Variants in ASIC2 observed in about 807,000 individuals in gnomAD.
ASIC2 encodes the protein acid-sensing ion channel 2.
Under a neutral mutation model 57.3 loss-of-function variants are expected in ASIC2, and 25 were observed. The observed-to-expected ratio is 0.44, with a 90% confidence interval of 0.32 to 0.61. ASIC2 has a LOEUF of 0.61. Ranked by LOEUF, ASIC2 falls within the 20% of genes least tolerant of loss-of-function variation. ASIC2 has a pLI of 0.06. For missense variants in ASIC2, 641 were observed against 738.1 expected (o/e 0.87, Z 1.52); for synonymous variants, 319 against 307.5 (o/e 1.04, Z -0.39).
At chr17:33,093,438 G>C (rs2092165456) in intron 2 of ASIC2, among the ~76,000 whole-genome samples, 1 of 152,136 alleles carries the variant, frequency 6.6e-6, no homozygotes, top group Non-Finnish European at 1.5e-5. Flanking sequence ...AAGAGAGAGA[G>C]AGAGAGAGAG....
intron 1 of ASIC2, among the ~76,000 whole-genome samples, chr17:33,387,242 C>A (rs1455257377): frequency 6.6e-6 from 1 of 152,170 alleles, no homozygotes; most frequent in South Asian, 2.1e-4. Context: ...AACAAGTACT[C>A]TTCTATCTCC....
intron 1 of ASIC2, among the ~76,000 whole-genome samples, chr17:33,609,210 A>G (rs1905315445): frequency 6.6e-6 from 1 of 152,154 alleles, no homozygotes; most frequent in African/African-American, 2.4e-5. Flanking sequence ...TTCCTCAGGG[A>G]TGCCAAATTT....
At chr17:33,419,942 A>T (rs1232244553) in intron 1 of ASIC2, among the ~76,000 whole-genome samples, 1 of 152,162 alleles carries the variant, frequency 6.6e-6, no homozygotes, top group Non-Finnish European at 1.5e-5. Context: ...ACAAGTGTCT[A>T]TATATGTTTA....
chr17:33,749,451 C>T (rs1910364727), intron 1 of ASIC2, among the ~76,000 whole-genome samples: 1 of 152,098 alleles, frequency 6.6e-6, no homozygotes, highest in Admixed American at 6.5e-5. Context: ...AGTCCAGCCC[C>T]TGTTCCTCTC....
intron 1 of ASIC2, among the ~76,000 whole-genome samples, chr17:33,902,252 C>G (rs1915245803): frequency 6.6e-6 from 1 of 152,092 alleles, no homozygotes; most frequent in Admixed American, 6.6e-5. Flanking sequence ...TGTAAGCTAC[C>G]TAAAACCTAG....
chr17:34,040,827 A>G (rs1908102707), intron 1 of ASIC2, among the ~76,000 whole-genome samples: 1 of 152,240 alleles, frequency 6.6e-6, no homozygotes, highest in African/African-American at 2.4e-5. Flanking sequence ...AAATATAACT[A>G]CAGTAACAAA....
intron 1 of ASIC2, among the ~76,000 whole-genome samples, chr17:33,864,877 G>A (rs915406339): frequency 4.6e-5 from 7 of 152,044 alleles, no homozygotes; most frequent in African/African-American, 1.7e-4. Flanking sequence ...TCCATGGCTT[G>A]CAAACAAAAA....
At chr17:33,071,750 T>C (rs1004453546) in intron 3 of ASIC2, among the ~76,000 whole-genome samples, 1 of 152,192 alleles carries the variant, frequency 6.6e-6, no homozygotes. Context: ...TGGGTTTTGC[T>C]TGAAGATTTG....
chr17:33,754,957 CAAAAAAAAAAAA>C (rs58392305), intron 1 of ASIC2, among the ~76,000 whole-genome samples: 2 of 57,954 alleles, frequency 3.5e-5, no homozygotes, highest in Non-Finnish European at 6.3e-5. Flanking sequence ...GACTCCATCT[CAAAAAAAAAAAA>C]AAAAAAAAAA....
At position 34,046,059 on chromosome 17, in the gene ASIC2, C is replaced by G. The variant is rs572772189; in HGVS notation, c.555+109919G>C. On this transcript the variant is annotated intron_variant, in intron 1 of 9. Transcript: ENST00000359872. ...GAGACCAAATGGGGTGCCAGAGATG[C>G]CTTTTTAGTTTCCCACTGTTTCAGC... 6.2e-4 allele frequency among the ~76,000 whole-genome samples: 95 copies of G among 152,262 alleles called. 1 individual carries two copies. Among genetic ancestry groups the G allele is most frequent in the African/African-American group, 2.2e-3 (90 of 41,548 alleles).
intron 1 of ASIC2, among the ~76,000 whole-genome samples, chr17:33,283,567 T>C (rs139026147): frequency 3.9e-5 from 6 of 152,312 alleles, no homozygotes; most frequent in African/African-American, 1.4e-4. Flanking sequence ...CATCACTTTT[T>C]CCCTAAGAAC....
intron 1 of ASIC2, among the ~76,000 whole-genome samples, chr17:33,361,849 C>A (rs1426915508): frequency 6.6e-6 from 1 of 152,192 alleles, no homozygotes; most frequent in Non-Finnish European, 1.5e-5. Flanking sequence ...CTTGTAACTA[C>A]TGCCACTTCA....
intron 3 of ASIC2, among the ~76,000 whole-genome samples, chr17:33,034,724 C>T (rs1007721436): frequency 6.6e-6 from 1 of 152,060 alleles, no homozygotes; most frequent in African/African-American, 2.4e-5. Context: ...TATTATGCCC[C>T]CTTTTCTCCC....
chr17:33,685,703 C>T (rs952920156), intron 1 of ASIC2, among the ~76,000 whole-genome samples: 2 of 152,300 alleles, frequency 1.3e-5, no homozygotes, highest in African/African-American at 4.8e-5. Flanking sequence ...CTTGGTTTTA[C>T]TGTACCCCTT....
chr17:33,430,524 T>C (rs1911373481), intron 1 of ASIC2, among the ~76,000 whole-genome samples: 1 of 152,174 alleles, frequency 6.6e-6, no homozygotes, highest in Non-Finnish European at 1.5e-5. Context: ...TGCCTTCATC[T>C]AGATGTAGGG....
intron 1 of ASIC2, among the ~76,000 whole-genome samples, chr17:33,629,807 G>C (rs1020871883): frequency 2.6e-5 from 4 of 152,234 alleles, no homozygotes; most frequent in African/African-American, 9.6e-5. Context: ...CTGGCCTTCA[G>C]TAATATCCCA....
chr17:33,247,724 T>A (rs1908740639), intron 1 of ASIC2, among the ~76,000 whole-genome samples: 1 of 152,134 alleles, frequency 6.6e-6, no homozygotes, highest in African/African-American at 2.4e-5. Context: ...TCCTCAGTGG[T>A]TGTGTAAGGA....
chr17:33,282,039 C>T (rs1036271869), intron 1 of ASIC2, among the ~76,000 whole-genome samples: 7 of 152,212 alleles, frequency 4.6e-5, no homozygotes, highest in African/African-American at 1.7e-4. Flanking sequence ...ATGTTTGTTA[C>T]AAATTCTTTC....
intron 1 of ASIC2, among the ~76,000 whole-genome samples, chr17:33,898,756 C>T (rs914299705): frequency 1.4e-4 from 22 of 152,206 alleles, no homozygotes; most frequent in African/African-American, 5.3e-4. Flanking sequence ...TGCATTCTTT[C>T]GTTGTCTTTC....
Sources: gnomAD v4.1 joint callset for allele counts (sites outside exome capture counted in the v4.1 genomes callset) on GRCh38, gnomAD v4.1.1 for gene constraint, MANE v1.5 for transcripts, NCBI Gene and HGNC (gene_info 2026-07-23, HGNC 2026-07-21) for gene names.